Variants in CDYL2 observed in about 807,000 individuals in gnomAD.
CDYL2 encodes the protein chromodomain Y-like protein 2.
In CDYL2, 23 loss-of-function variants were observed where a neutral mutation model predicts 49.4. That is an observed-to-expected ratio of 0.47 (90% CI 0.34 to 0.66). The LOEUF (loss-of-function observed/expected upper bound fraction) is 0.66. Ranked by LOEUF, CDYL2 falls within the 30% of genes least tolerant of loss-of-function variation. The probability of loss-of-function intolerance (pLI) is 0.01; values close to 1 mark genes in which losing one functional copy is unlikely to be tolerated. For synonymous variants in CDYL2, 360 were observed against 268.8 expected, an observed-to-expected ratio of 1.34 and a Z score of -3.32; for missense variants, 678 against 656.4, an observed-to-expected ratio of 1.03 and a Z score of -0.36.
intron 5 of CDYL2, 61 bp from the exon 6 acceptor site, chr16:80,608,296 G>A: frequency 6.8e-7 from 1 of 1,463,224 alleles, no homozygotes; most frequent in Non-Finnish European, 9.1e-7. Flanking sequence ...TCCCTCAGCT[G>A]GTCCAGGGCT....
Position 80,709,087 on chromosome 16 carries a change from T to G in CDYL2, c.25-23958A>C, listed in dbSNP as rs528941065. Among the ~76,000 whole-genome samples the G allele has an allele frequency of 2.0e-5, 3 of 152,118 alleles. No homozygotes were observed. The South Asian group carries it at 6.2e-4, about 31-fold the overall frequency. On this transcript the variant is annotated intron_variant, in intron 1 of 6. Transcript: ENST00000570137. ...CAGGCAGGACTGCCTTCTCCTGTTT[T>G]GAAAATACAAATTTAGCCAGGCCTG...
At chr16:80,627,539 T>G (rs912347524) in intron 3 of CDYL2, 1 of 152,246 alleles carries the variant, frequency 6.6e-6, no homozygotes. Context: ...AGTTTATATC[T>G]CTTTTCTTTC....
intron 1 of CDYL2, among the ~76,000 whole-genome samples, chr16:80,750,422 A>C (rs1257435380): frequency 2.6e-5 from 4 of 151,764 alleles, no homozygotes; most frequent in Non-Finnish European, 4.4e-5. Flanking sequence ...TCAGTTCTTT[A>C]AAAGCACTGA....
chr16:80,766,127 T>C (rs1384013672), intron 1 of CDYL2, among the ~76,000 whole-genome samples: 1 of 152,002 alleles, frequency 6.6e-6, no homozygotes, highest in Non-Finnish European at 1.5e-5. Flanking sequence ...AGAGGTGTTT[T>C]TTTTGAAGGA....
intron 4 of CDYL2, among the ~76,000 whole-genome samples, chr16:80,613,301 G>C (rs1906684198): frequency 6.6e-6 from 1 of 152,214 alleles, no homozygotes; most frequent in Non-Finnish European, 1.5e-5. Context: ...GGTGAATGGA[G>C]TGGCTTTGTG....
At chr16:80,776,628 T>C (rs1044935665) in intron 1 of CDYL2, among the ~76,000 whole-genome samples, 2 of 150,364 alleles carry the variant, frequency 1.3e-5, no homozygotes, top group Non-Finnish European at 3.0e-5. Flanking sequence ...ATATTTTGTG[T>C]ATTTATATTT....
At chr16:80,732,959 T>C (rs1460726078) in intron 1 of CDYL2, among the ~76,000 whole-genome samples, 1 of 152,110 alleles carries the variant, frequency 6.6e-6, no homozygotes, top group African/African-American at 2.4e-5. Context: ...TGTCGTGAAG[T>C]ATCATTATCT....
intron 1 of CDYL2, among the ~76,000 whole-genome samples, chr16:80,751,621 G>C (rs1179564818): frequency 6.6e-6 from 1 of 152,204 alleles, no homozygotes; most frequent in Non-Finnish European, 1.5e-5. Flanking sequence ...TTCCTTCAAA[G>C]TGCTCAATGA....
intron 2 of CDYL2, among the ~76,000 whole-genome samples, chr16:80,654,522 C>T (rs938872880): frequency 7.2e-5 from 11 of 152,206 alleles, no homozygotes; most frequent in African/African-American, 1.9e-4. Context: ...CAGAGCCCAG[C>T]GCTGCATAAC....
intron 2 of CDYL2, among the ~76,000 whole-genome samples, chr16:80,662,979 G>A (rs1460325404): frequency 6.6e-6 from 1 of 151,942 alleles, no homozygotes; most frequent in Non-Finnish European, 1.5e-5. Flanking sequence ...AAATGAATGA[G>A]TGAATAAATG....
At chr16:80,730,752 G>C (rs1184378975) in intron 1 of CDYL2, among the ~76,000 whole-genome samples, 2 of 152,158 alleles carry the variant, frequency 1.3e-5, no homozygotes, top group Non-Finnish European at 2.9e-5. Flanking sequence ...GTGTATCTAA[G>C]CAATGAGCTA....
intron 1 of CDYL2, among the ~76,000 whole-genome samples, chr16:80,774,077 G>C (rs1906999281): frequency 6.6e-6 from 1 of 152,022 alleles, no homozygotes; most frequent in South Asian, 2.1e-4. Flanking sequence ...ATTCATTAAA[G>C]TGCACATTTA....
intron 3 of CDYL2, chr16:80,632,696 A>T: frequency 3.2e-6 from 1 of 313,862 alleles, no homozygotes; most frequent in East Asian, 6.2e-5. Context: ...ATGACAACAA[A>T]GTTTAGCTGG....
In CDYL2 at chr16:80,752,977, A is replaced by T. The variant is rs553812331; in HGVS notation, c.24+51173T>A. On this transcript the variant is annotated intron_variant, in intron 1 of 6. Transcript: ENST00000570137. ...GGCAACAGAAAGAATATGTGAGTTGATTTAAATGAACATTTGTTGTGCTAA... is the reference window on the plus strand; with the variant it reads ...GGCAACAGAAAGAATATGTGAGTTGTTTTAAATGAACATTTGTTGTGCTAA... Among the ~76,000 whole-genome samples the T allele has an allele frequency of 8.7e-4, 132 of 152,342 alleles. 1 individual carries two copies. Among genetic ancestry groups the T allele is most frequent in the African/African-American group, 3.0e-3 (125 of 41,576 alleles).
At position 80,727,147 on chromosome 16, in the gene CDYL2, G is replaced by A. The variant is rs138951880; in HGVS notation, c.25-42018C>T. Among the ~76,000 whole-genome samples the A allele has an allele frequency of 4.2e-4, 64 of 152,358 alleles. No homozygotes were observed. In the Middle Eastern group the frequency reaches 0.01, roughly 24 times the overall value. On this transcript the variant is annotated intron_variant, in intron 1 of 6. Transcript: ENST00000570137. ...GTCTACAGCTCCCAGCGTGAGTGACGCAGAAGACGGGTGATTTCTGCATTT... is the reference window on the plus strand; with the variant it reads ...GTCTACAGCTCCCAGCGTGAGTGACACAGAAGACGGGTGATTTCTGCATTT...
intron 1 of CDYL2, among the ~76,000 whole-genome samples, chr16:80,710,205 G>T (rs1056633583): frequency 1.3e-5 from 2 of 152,126 alleles, no homozygotes; most frequent in African/African-American, 4.8e-5. Flanking sequence ...GGGATTACAG[G>T]TGTGAGCCAC....
intron 1 of CDYL2, among the ~76,000 whole-genome samples, chr16:80,776,963 G>A (rs1038134911): frequency 1.3e-5 from 2 of 151,388 alleles, no homozygotes; most frequent in African/African-American, 4.9e-5. Context: ...GACTACAGGC[G>A]CACGCTGCCA....
intron 1 of CDYL2, among the ~76,000 whole-genome samples, chr16:80,690,590 A>G (rs1910376614): frequency 6.6e-6 from 1 of 152,194 alleles, no homozygotes; most frequent in Non-Finnish European, 1.5e-5. Flanking sequence ...GGTCTAATGC[A>G]TCTTGGCTCC....
chr16:80,784,067 C>A (rs1197709872), intron 1 of CDYL2, among the ~76,000 whole-genome samples: 3 of 152,172 alleles, frequency 2.0e-5, no homozygotes, highest in Non-Finnish European at 4.4e-5. Flanking sequence ...TATTTTACCA[C>A]AATAAAAAGT....
Sources: allele counts gnomAD v4.1 joint callset (sites outside exome capture counted in the v4.1 genomes callset), GRCh38; gene constraint gnomAD v4.1.1; transcripts MANE v1.5; gene names NCBI Gene and HGNC (gene_info 2026-07-23, HGNC 2026-07-21).